CIT: variants seen among roughly 807,000 people sequenced by gnomAD.
The protein encoded by CIT is citron Rho-interacting kinase.
CIT carries 79 observed loss-of-function variants against 272.7 expected under a neutral mutation model. That is an observed-to-expected ratio of 0.29 (90% confidence interval 0.24 to 0.35). The LOEUF (loss-of-function observed/expected upper bound fraction) is 0.35, where lower values mean the gene tolerates loss of function less well. Among genes scored for constraint, CIT ranks in the 10% least tolerant of loss-of-function variants. The pLI is 1.00. For synonymous variants in CIT, 948 were observed against 995.6 expected (o/e 0.95, Z 0.90); for missense variants, 1,909 against 2,618.3 (o/e 0.73, Z 5.91).
At chr12:119,815,672 C>A (rs565918126) in intron 9 of CIT, among the ~76,000 whole-genome samples, 1 of 151,890 alleles carries the variant, frequency 6.6e-6, no homozygotes, top group African/African-American at 2.4e-5. Context: ...CGCCATTGCA[C>A]TCCAGCCTGG....
At chr12:119,865,269 T>C (rs985337123) in intron 3 of CIT, among the ~76,000 whole-genome samples, 2 of 152,254 alleles carry the variant, frequency 1.3e-5, no homozygotes. Context: ...CAGAGGACAG[T>C]CTCAAGACTA....
intron 24 of CIT, among the ~76,000 whole-genome samples, chr12:119,735,795 C>A (rs1385775763): frequency 6.6e-6 from 1 of 152,092 alleles, no homozygotes; most frequent in Non-Finnish European, 1.5e-5. Flanking sequence ...TCTTAGAAAG[C>A]AAAATGAAGT....
intron 12 of CIT, 26 bp from the exon 13 acceptor site, chr12:119,782,663 G>T: frequency 6.2e-7 from 1 of 1,612,548 alleles, no homozygotes; most frequent in South Asian, 1.1e-5. Flanking sequence ...ATTTTAATAG[G>T]GATGCCCTGT....
Position 119,859,688 on chromosome 12 carries a change from G to A in CIT, c.239-1990C>T, listed in dbSNP as rs117813473. 1.1e-4 allele frequency among the ~76,000 whole-genome samples: 16 copies of A among 152,052 alleles called. No homozygotes were observed. In the South Asian group the frequency reaches 1.5e-3, roughly 14 times the overall value. Reference sequence around the variant, plus strand: ...AAAAATTAGCTGCACACAAGCGGCCGCTTTTAATCTCAGCTGCTCGGGAGG... The same window carrying A: ...AAAAATTAGCTGCACACAAGCGGCCACTTTTAATCTCAGCTGCTCGGGAGG... On this transcript the variant is annotated intron_variant, in intron 3 of 47. Transcript: ENST00000392521.
intron 19 of CIT, among the ~76,000 whole-genome samples, chr12:119,761,542 A>C (rs1482387225): frequency 1.3e-5 from 2 of 152,210 alleles, no homozygotes; most frequent in African/African-American, 4.8e-5. Flanking sequence ...CAAGAGGGAG[A>C]GAAGCCGAAG....
chr12:119,762,580 C>T (rs1203997390), intron 19 of CIT, among the ~76,000 whole-genome samples: 1 of 152,136 alleles, frequency 6.6e-6, no homozygotes, highest in East Asian at 1.9e-4. Flanking sequence ...TAGCAGAGAC[C>T]ACATAATATC....
At chr12:119,803,531 C>A (rs991939990) in intron 9 of CIT, 142 bp from the exon 10 acceptor site, 2 of 549,258 alleles carry the variant, frequency 3.6e-6, no homozygotes, top group South Asian at 5.4e-5. Flanking sequence ...CTCGCAACCT[C>A]GGCTCCTACA....
At chr12:119,820,110 G>T (rs1967558191) in intron 9 of CIT, among the ~76,000 whole-genome samples, 1 of 152,188 alleles carries the variant, frequency 6.6e-6, no homozygotes, top group Non-Finnish European at 1.5e-5. Context: ...TGGTACCACG[G>T]ATTGATTCCT....
Position 119,770,708 on chromosome 12 carries a change from A to AT in CIT, c.2208+76dup. On this transcript the variant is annotated intron_variant, in intron 18 of 47. Transcript: ENST00000392521. The surrounding 1 kb of genome is among the most constrained non-coding windows in gnomAD (Gnocchi z 4.4). ...GATACCTCCCTTATTGTGGCGGTTAATTCTTCTTCTTACCCCCTTCCCTTT... is the reference window on the plus strand; with the variant it reads ...GATACCTCCCTTATTGTGGCGGTTAATTTCTTCTTCTTACCCCCTTCCCTTT... 5 of 1,553,252 alleles carry AT rather than the reference A, an allele frequency of 3.2e-6. No individual in the cohort carries two copies. The highest frequency in any genetic ancestry group is 3.5e-6 in the Non-Finnish European group (4 of 1,134,570).
chr12:119,794,934 T>C (rs747696359), intron 10 of CIT, among the ~76,000 whole-genome samples: 23 of 152,172 alleles, frequency 1.5e-4, no homozygotes, highest in Non-Finnish European at 2.9e-4. Context: ...GATGAGGGAA[T>C]TGAGGCTGAA....
rs907364880 is a variant in CIT at position 119,825,051 on chromosome 12, C to T, written c.957+114G>A. 1.3e-4 allele frequency: 102 copies of T among 799,856 alleles called. No individual in the cohort carries two copies. The Middle Eastern group carries it at 1.6e-3, about 12-fold the overall frequency. The allele number at this position is 799,856 out of a possible 1,614,324, so 49.5% of individuals were successfully genotyped here. The stretch of plus-strand genomic sequence containing the variant: ...TCCTGACCTCGTGATCCACCCACCT[C>T]GGCCTCCCAAAGTGCCGGGATTACA... On this transcript the variant is annotated intron_variant, in intron 8 of 47. Transcript: ENST00000392521.
rs1435576450 is a variant in CIT at position 119,718,938 on chromosome 12, G to C, written c.3841-77C>G. 2 of 1,480,374 alleles carry C rather than the reference G, an allele frequency of 1.4e-6. No homozygotes were observed. Among genetic ancestry groups the C allele is most frequent in the Non-Finnish European group, 1.9e-6 (2 of 1,072,618 alleles). 91.7% of individuals were successfully genotyped at this position (1,480,374 alleles called of 1,614,324 possible). On this transcript the variant is annotated intron_variant, in intron 30 of 47. Transcript: ENST00000392521. This position sits in a 1 kb window ranked among gnomAD's most constrained non-coding sequence, Gnocchi z 4.8. ...ACTAGCTAAAGGAAATCTGACTCGG[G>C]AGGAGCAAACCACAAAAGCCAGGAG...
chr12:119,819,627 A>G (rs983453616), intron 9 of CIT, among the ~76,000 whole-genome samples: 1 of 152,254 alleles, frequency 6.6e-6, no homozygotes, highest in African/African-American at 2.4e-5. Flanking sequence ...GCTTTTAACA[A>G]GGGACAATCT....
At chr12:119,750,800 T>G (rs1287328472) in intron 23 of CIT, among the ~76,000 whole-genome samples, 9 of 148,872 alleles carry the variant, frequency 6.0e-5, no homozygotes, top group African/African-American at 1.2e-4. Flanking sequence ...TAGATAGAGA[T>G]ATAGAGATGT....
intron 5 of CIT, among the ~76,000 whole-genome samples, chr12:119,836,202 A>G (rs280585): frequency 0.1 from 14,750 of 146,672 alleles, 1,884 homozygotes; most frequent in African/African-American, 0.31. Context: ...CAGGAGAATC[A>G]CTTGAACCCG....
intron 26 of CIT, among the ~76,000 whole-genome samples, chr12:119,731,075 C>A (rs1050091356): frequency 2.0e-5 from 3 of 151,404 alleles, no homozygotes; most frequent in South Asian, 2.1e-4. Context: ...TGCAGTGAGC[C>A]GAGATCACAC....
intron 26 of CIT, 48 bp from the exon 27 acceptor site, chr12:119,730,678 C>A (rs780261596): frequency 6.3e-7 from 1 of 1,589,356 alleles, no homozygotes; most frequent in Non-Finnish European, 8.6e-7. Context: ...CAACAGCTGA[C>A]CTGCGGAAAG....
chr12:119,710,502 A>C lies in CIT; in HGVS notation c.4935+38T>G, dbSNP rs372321810. ...TTCTTTCTTGATGGGGTGTGGCTGT[A>C]ACCAGACACCAGCTGGCCGTGCCCA... On this transcript the variant is annotated intron_variant, in intron 38 of 47. Transcript: ENST00000392521. The surrounding 1 kb of genome is among the most constrained non-coding windows in gnomAD (Gnocchi z 5.6). 161 of 1,612,732 alleles carry C rather than the reference A, an allele frequency of 1.0e-4. No individual in the cohort carries two copies. The highest frequency in any genetic ancestry group is 1.3e-4 in the Non-Finnish European group (150 of 1,178,802).
intron 9 of CIT, among the ~76,000 whole-genome samples, chr12:119,812,211 G>A (rs756520355): frequency 6.0e-4 from 92 of 152,108 alleles, no homozygotes; most frequent in African/African-American, 2.2e-3. Flanking sequence ...GCCTCCCAAA[G>A]TGCTGGGATT....
Sources: gnomAD v4.1 joint callset for allele counts (sites outside exome capture counted in the v4.1 genomes callset) on GRCh38, gnomAD v4.1.1 for gene constraint, Gnocchi (gnomAD v3.1) non-coding constraint, MANE v1.5 for transcripts, NCBI Gene and HGNC (gene_info 2026-07-23, HGNC 2026-07-21) for gene names.